BCL11A: variants seen among roughly 807,000 people sequenced by gnomAD.
The protein encoded by BCL11A is B cell CLL/lymphoma 11A.
Under a neutral mutation model 55.9 loss-of-function variants are expected in BCL11A, and 2 were observed. That is an observed-to-expected ratio of 0.04 (90% CI 0.01 to 0.11). BCL11A has a LOEUF of 0.11. BCL11A is among the 10% of genes least tolerant of loss of function. BCL11A has a pLI of 1.00. For synonymous variants in BCL11A, 465 were observed against 473.4 expected, an observed-to-expected ratio of 0.98 and a Z score of 0.23; for missense variants, 817 against 1,137.1, an observed-to-expected ratio of 0.72 and a Z score of 4.05.
intron 2 of BCL11A, chr2:60,525,097 T>C (rs1669149399): frequency 6.6e-6 from 1 of 152,234 alleles, no homozygotes; most frequent in Admixed American, 6.5e-5. Context: ...ACTCAGCATA[T>C]GTAGGCTATG....
At chr2:60,500,970 A>G (rs1409391635) in intron 2 of BCL11A, among the ~76,000 whole-genome samples, 1 of 152,164 alleles carries the variant, frequency 6.6e-6, no homozygotes, top group African/African-American at 2.4e-5. Context: ...GTGGGCTTGC[A>G]AGCATTTCTG....
chr2:60,512,228 G>A (rs576929022), intron 2 of BCL11A, among the ~76,000 whole-genome samples: 1 of 152,306 alleles, frequency 6.6e-6, no homozygotes, highest in African/African-American at 2.4e-5. Context: ...AAGCCACCTA[G>A]AGCCCCACCT....
chr2:60,539,359 C>A (rs1456892407), intron 2 of BCL11A, among the ~76,000 whole-genome samples: 1 of 152,158 alleles, frequency 6.6e-6, no homozygotes, highest in Non-Finnish European at 1.5e-5. Context: ...AGTGACCTCA[C>A]CACCCCCCAT....
chr2:60,524,949 T>A (rs1669144562), intron 2 of BCL11A: 1 of 152,250 alleles, frequency 6.6e-6, no homozygotes, highest in African/African-American at 2.4e-5. Flanking sequence ...GAACAGGCCA[T>A]ATGCTTTTAC....
intron 2 of BCL11A, among the ~76,000 whole-genome samples, chr2:60,532,428 T>C (rs1286822964): frequency 6.6e-6 from 1 of 152,078 alleles, no homozygotes; most frequent in African/African-American, 2.4e-5. Flanking sequence ...TTTTTCTTTT[T>C]TTGGTGGTGG....
chr2:60,517,657 G>T (rs1311422200), intron 2 of BCL11A, among the ~76,000 whole-genome samples: 1 of 152,248 alleles, frequency 6.6e-6, no homozygotes, highest in Non-Finnish European at 1.5e-5. Context: ...GGCCATGTGC[G>T]ATTGGTACAG....
intron 2 of BCL11A, among the ~76,000 whole-genome samples, chr2:60,531,867 A>G (rs1006396887): frequency 1.3e-5 from 2 of 152,158 alleles, no homozygotes; most frequent in African/African-American, 4.8e-5. Context: ...CTGCCCCTCA[A>G]AGGACAAATG....
In BCL11A at chr2:60,462,290, T is replaced by C; in HGVS notation, c.622A>G (p.Thr208Ala). ...YLESEHGSPL[T>A]PRVGIPSGLG... Reference sequence around the variant, plus strand: ...CCTGAAGGGATACCAACCCGCGGGGTCAGGGGACTTCCGTGTTCGCTTTCT... The same window carrying C: ...CCTGAAGGGATACCAACCCGCGGGGCCAGGGGACTTCCGTGTTCGCTTTCT... The change falls in exon 4 of 4, where the codon ACC becomes GCC. Residue 208 changes from threonine (T) to alanine (A), a missense_variant. Thr to Ala is a moderately conservative substitution (Grantham distance 58). Around this residue, in one of 4 missense-constraint regions of BCL11A, gnomAD observed 363 missense variants for 486.6 expected, o/e 0.75. Coordinates refer to ENST00000642384, the MANE Select transcript of BCL11A (RefSeq NM_022893.4). 1.9e-6 allele frequency: 3 copies of C among 1,613,900 alleles called. No individual in the cohort carries two copies. The highest frequency in any genetic ancestry group is 2.5e-6 in the Non-Finnish European group (3 of 1,179,968).
chr2:60,545,905 G>T, intron 2 of BCL11A, 66 bp downstream of exon 2: 2 of 1,399,940 alleles, frequency 1.4e-6, no homozygotes, highest in Non-Finnish European at 9.9e-7. Flanking sequence ...CTTACTGCTT[G>T]GCTACAGCAC....
chr2:60,520,564 A>G (rs980084634), intron 2 of BCL11A, among the ~76,000 whole-genome samples: 1 of 152,210 alleles, frequency 6.6e-6, no homozygotes, highest in Non-Finnish European at 1.5e-5. Context: ...ATCCTCACAG[A>G]GTTTTCTGAG....
Position 60,510,739 on chromosome 2 carries a change from G to A in BCL11A, c.385+35232C>T, listed in dbSNP as rs924991823. Among the ~76,000 whole-genome samples, 13 of 152,232 alleles carry A rather than the reference G, an allele frequency of 8.5e-5. No homozygotes were observed. The South Asian group carries it at 2.7e-3, about 32-fold the overall frequency. Reference sequence around the variant, plus strand: ...GAGTGAACCTTCACAATTCCAAACTGCCAGGAGGCCACTCAATGCCATATC... The same window carrying A: ...GAGTGAACCTTCACAATTCCAAACTACCAGGAGGCCACTCAATGCCATATC... On this transcript the variant is annotated intron_variant, in intron 2 of 3. Coordinates refer to ENST00000642384, the MANE Select transcript of BCL11A (RefSeq NM_022893.4).
In BCL11A at chr2:60,459,753, T is replaced by G; in HGVS notation, c.*651A>C. 4 of 1,039,904 alleles carry G rather than the reference T, an allele frequency of 3.8e-6. No individual in the cohort carries two copies. The highest frequency in any genetic ancestry group is 4.6e-6 in the Non-Finnish European group (4 of 862,974). 64.4% of individuals were successfully genotyped at this position (1,039,904 alleles called of 1,614,324 possible). On this transcript the variant is annotated 3_prime_UTR_variant, in exon 4 of 4. Coordinates refer to ENST00000642384, the MANE Select transcript of BCL11A (RefSeq NM_022893.4). The stretch of plus-strand genomic sequence containing the variant: ...TTAATTTGTCAATTCAAGGCCTTTT[T>G]TCTTCCTTTCCAATTGATACATTTA...
Position 60,553,619 on chromosome 2 carries a change from CGAACTT to C in BCL11A, c.-355_-350del. Reference sequence around the variant, plus strand: ...TTCAAGTGCGGACGTGACGTCCCTGCGAACTTGAACGTCAGGAGTCTGGATGGACAG... The same window carrying C: ...TTCAAGTGCGGACGTGACGTCCCTGCGAACGTCAGGAGTCTGGATGGACAG... On this transcript the variant is annotated 5_prime_UTR_variant, in exon 1 of 4. Coordinates refer to ENST00000642384, the MANE Select transcript of BCL11A (RefSeq NM_022893.4). 6.0e-6 allele frequency: 2 copies of C among 332,528 alleles called. No homozygotes were observed. Among genetic ancestry groups the C allele is most frequent in the Non-Finnish European group, 1.1e-5 (2 of 187,082 alleles). The allele number at this position is 332,528 out of a possible 1,614,324, so 20.6% of individuals were successfully genotyped here. A position where few individuals can be genotyped will look rare whatever the true frequency, so the allele number is the denominator to read the frequency against.
At chr2:60,494,394 T>G (rs1239677353) in intron 2 of BCL11A, among the ~76,000 whole-genome samples, 5 of 152,168 alleles carry the variant, frequency 3.3e-5, no homozygotes, top group Non-Finnish European at 7.4e-5. Flanking sequence ...TGTAATAAAT[T>G]ATCTCCAATA....
At chr2:60,529,838 G>C (rs1407139864) in intron 2 of BCL11A, among the ~76,000 whole-genome samples, 4 of 152,168 alleles carry the variant, frequency 2.6e-5, no homozygotes, top group African/African-American at 7.2e-5. Context: ...ATTTCAGACA[G>C]GTCCCCAAAC....
chr2:60,476,258 G>GC (rs1677588887), intron 2 of BCL11A, among the ~76,000 whole-genome samples: 1 of 152,184 alleles, frequency 6.6e-6, no homozygotes, highest in African/African-American at 2.4e-5. Context: ...ACACAGTCTT[G>GC]CAAAGTTTAC....
chr2:60,529,728 A>G (rs1302098241), intron 2 of BCL11A, among the ~76,000 whole-genome samples: 1 of 152,206 alleles, frequency 6.6e-6, no homozygotes, highest in Admixed American at 6.5e-5. Flanking sequence ...AGGCCTAGCC[A>G]GGGGAAGTAA....
intron 2 of BCL11A, among the ~76,000 whole-genome samples, chr2:60,539,285 G>A (rs142627041): frequency 4.3e-4 from 66 of 152,308 alleles, no homozygotes; most frequent in Admixed American, 1.0e-3. Context: ...CTCCTCCAAG[G>A]TGCAGTAACT....
chr2:60,505,397 T>TG (rs1259875921), intron 2 of BCL11A, among the ~76,000 whole-genome samples: 1 of 152,208 alleles, frequency 6.6e-6, no homozygotes, highest in African/African-American at 2.4e-5. Flanking sequence ...TGAAATGTGT[T>TG]GGAGCAGCTG....
Sources: gnomAD v4.1 joint callset for allele counts (sites outside exome capture counted in the v4.1 genomes callset) on GRCh38, gnomAD v4.1.1 for gene constraint, gnomAD v4.1.1 regional missense constraint, MANE v1.5 for transcripts, NCBI Gene and HGNC (gene_info 2026-07-23, HGNC 2026-07-21) for gene names.